ELP3: variants seen among roughly 807,000 people sequenced by gnomAD.
The protein encoded by ELP3 is elongator acetyltransferase complex subunit 3, also known as elongator complex protein 3.
A neutral mutation model predicts 74.9 loss-of-function variants in ELP3; 56 were observed. That is an observed-to-expected ratio of 0.75 (90% confidence interval 0.60 to 0.93). The LOEUF is 0.93. Ranked by LOEUF, ELP3 falls within the 40% of genes least tolerant of loss-of-function variation. The pLI, the probability that ELP3 is intolerant of heterozygous loss-of-function variation, is 0.00. For synonymous variants in ELP3, 222 were observed against 239.8 expected (o/e 0.93, Z 0.68); for missense variants, 573 against 686.5 (o/e 0.83, Z 1.85).
upstream of ELP3, chr8:28,090,382 G>C: frequency 2.6e-6 from 1 of 383,454 alleles, no homozygotes; most frequent in Non-Finnish European, 5.1e-6. Flanking sequence ...TCCCGGTCTG[G>C]TGGTGAATCC....
chr8:28,106,907 C>A, intron 4 of ELP3, 124 bp downstream of exon 4: 1 of 670,862 alleles, frequency 1.5e-6, no homozygotes, highest in Non-Finnish European at 2.5e-6. Context: ...TTATAGATTA[C>A]TCCTTTCAAA....
chr8:28,150,604 G>A (rs756607741), intron 10 of ELP3, among the ~76,000 whole-genome samples: 4 of 151,828 alleles, frequency 2.6e-5, no homozygotes, highest in East Asian at 1.9e-4. Context: ...TTCTCTATAC[G>A]TAAGGTGTTT....
intron 7 of ELP3, among the ~76,000 whole-genome samples, chr8:28,119,925 C>G (rs1489798775): frequency 5.9e-5 from 9 of 152,042 alleles, no homozygotes; most frequent in Non-Finnish European, 1.0e-4. Context: ...TTGGGTGATT[C>G]ATTAGTTGTT....
intron 4 of ELP3, 35 bp from the exon 5 acceptor site, chr8:28,107,878 C>T: frequency 6.3e-7 from 1 of 1,583,424 alleles, no homozygotes; most frequent in South Asian, 1.1e-5. Flanking sequence ...CTCAGTTTTG[C>T]ATCTGACATT....
chr8:28,119,572 TTATATATATATATATATATATATATA>T (rs72105276), intron 7 of ELP3, among the ~76,000 whole-genome samples: 680 of 46,780 alleles, frequency 0.015, 40 homozygotes, highest in African/African-American at 0.033. Context: ...TTGTGGCGTT[TTATATATATATATATATATATATATA>T]TATATATATA....
chr8:28,174,063 A>C (rs544016725), intron 14 of ELP3, among the ~76,000 whole-genome samples: 2 of 152,190 alleles, frequency 1.3e-5, no homozygotes, highest in East Asian at 3.9e-4. Flanking sequence ...GAAAATGTAC[A>C]TTCTGCTATT....
Position 28,097,308 on chromosome 8 carries a change from G to C in ELP3, c.109G>C (p.Asp37His), listed in dbSNP as rs754899290. ...IEAHEQGKDI[D>H]LNKVKTKTAA... Reference sequence around the variant, plus strand: ...AGCCCACGAGCAGGGGAAAGACATCGATCTAAATAAGTAAGTGGATATAAA... The same window carrying C: ...AGCCCACGAGCAGGGGAAAGACATCCATCTAAATAAGTAAGTGGATATAAA... Residue 37 changes from aspartate to histidine, a missense_variant, in exon 2 of 15, where the codon GAT (aspartate) becomes CAT (histidine). Coordinates refer to ENST00000256398, the MANE Select transcript of ELP3 (RefSeq NM_018091.6). 6.2e-7 allele frequency: 1 copy of C among 1,611,568 alleles called. No individual in the cohort carries two copies. The highest frequency in any genetic ancestry group is 8.5e-7 in the Non-Finnish European group (1 of 1,177,892).
At chr8:28,141,354 A>G (rs1258850018) in intron 10 of ELP3, among the ~76,000 whole-genome samples, 1 of 152,244 alleles carries the variant, frequency 6.6e-6, no homozygotes, top group Non-Finnish European at 1.5e-5. Context: ...AAATTGAGAA[A>G]CATTCTAAAA....
intron 14 of ELP3, among the ~76,000 whole-genome samples, chr8:28,187,541 C>T (rs2130625081): frequency 6.6e-6 from 1 of 152,332 alleles, no homozygotes; most frequent in East Asian, 1.9e-4. Flanking sequence ...ATGGTGCCTC[C>T]TTGTTCCTTG....
chr8:28,125,924 A>AT (rs1380636050), intron 7 of ELP3, among the ~76,000 whole-genome samples: 1 of 152,148 alleles, frequency 6.6e-6, no homozygotes, highest in Non-Finnish European at 1.5e-5. Context: ...TAAGCGGTAG[A>AT]TGTATCTGGA....
intron 7 of ELP3, among the ~76,000 whole-genome samples, chr8:28,121,400 A>G (rs1382447709): frequency 1.3e-5 from 2 of 151,204 alleles, no homozygotes; most frequent in African/African-American, 2.4e-5. Flanking sequence ...GCTCACTGCA[A>G]CCTGTACCTT....
chr8:28,171,580 T>C (rs1240698125), intron 14 of ELP3, among the ~76,000 whole-genome samples: 2 of 152,188 alleles, frequency 1.3e-5, no homozygotes, highest in African/African-American at 4.8e-5. Flanking sequence ...ATAAAATATT[T>C]GCAAATGTTT....
chr8:28,136,596 T>G (rs1813000877), intron 9 of ELP3, among the ~76,000 whole-genome samples: 1 of 152,174 alleles, frequency 6.6e-6, no homozygotes, highest in Non-Finnish European at 1.5e-5. Context: ...AAATAGTACA[T>G]AAAGAATACA....
At chr8:28,097,008 G>C (rs779548212) in intron 1 of ELP3, among the ~76,000 whole-genome samples, 17 of 152,118 alleles carry the variant, frequency 1.1e-4, no homozygotes, top group Non-Finnish European at 2.4e-4. Flanking sequence ...TCTAAAGGGA[G>C]CTTTTCCCAT....
At chr8:28,094,158 A>G (rs1034553195) in intron 1 of ELP3, among the ~76,000 whole-genome samples, 5 of 152,000 alleles carry the variant, frequency 3.3e-5, no homozygotes, top group African/African-American at 1.2e-4. Context: ...TTGTTATCTC[A>G]CTCTAACTTG....
intron 14 of ELP3, among the ~76,000 whole-genome samples, 187 bp downstream of exon 14, chr8:28,162,265 G>A (rs17058670): frequency 0.047 from 7,147 of 152,194 alleles, 579 homozygotes; most frequent in African/African-American, 0.16. Context: ...AGAGATTTCC[G>A]AGCCCTCTGA....
Position 28,099,977 on chromosome 8 carries a change from C to A in ELP3, c.258+11C>A, listed in dbSNP as rs775360580. The A allele has an allele frequency of 6.2e-7, 1 of 1,613,978 alleles. No homozygotes were observed. Among genetic ancestry groups the A allele is most frequent in the South Asian group, 1.1e-5 (1 of 91,052 alleles). ...AGAACTGCTAGTGGGGTGAGTGATT[C>A]GACTCATGAGGTATCGACACACTGG... On this transcript the variant is annotated intron_variant, in intron 3 of 14. Transcript: ENST00000256398.
chr8:28,110,365 T>G lies in ELP3; in HGVS notation c.394-5T>G, dbSNP rs762369945. 2.5e-6 allele frequency: 4 copies of G among 1,612,634 alleles called. No homozygotes were observed. Among genetic ancestry groups the G allele is most frequent in the Non-Finnish European group, 3.4e-6 (4 of 1,179,416 alleles). On this transcript the variant is annotated splice_polypyrimidine_tract_variant and splice_region_variant and intron_variant, in intron 5 of 14. Transcript: ENST00000256398. Reference sequence around the variant, plus strand: ...TGTGGGCATAACAATATTTTTCTCTTCTAGCCAACCTCCATGAGAGCTATC... The same window carrying G: ...TGTGGGCATAACAATATTTTTCTCTGCTAGCCAACCTCCATGAGAGCTATC...
chr8:28,153,567 A>G (rs995884049), intron 10 of ELP3, among the ~76,000 whole-genome samples: 5 of 152,186 alleles, frequency 3.3e-5, no homozygotes, highest in African/African-American at 1.2e-4. Flanking sequence ...GCAATAGGAT[A>G]AGAGCAGGAC....
Sources: allele counts gnomAD v4.1 joint callset (sites outside exome capture counted in the v4.1 genomes callset), GRCh38; gene constraint gnomAD v4.1.1; transcripts MANE v1.5; gene names NCBI Gene and HGNC (gene_info 2026-07-23, HGNC 2026-07-21).